Variants in CHD6 observed in about 807,000 individuals in gnomAD.
The protein encoded by CHD6 is chromodomain helicase DNA binding protein 6.
Under a neutral mutation model 276.9 loss-of-function variants are expected in CHD6, and 50 were observed. The observed-to-expected ratio is 0.18, with a 90% CI of 0.14 to 0.23. The LOEUF (loss-of-function observed/expected upper bound fraction) is 0.23. Ranked by LOEUF, CHD6 falls within the 10% of genes least tolerant of loss-of-function variation. CHD6 has a pLI of 1.00. For missense variants in CHD6, 2,564 were observed against 3,365.8 expected (o/e 0.76, Z 5.89); for synonymous variants, 1,173 against 1,229.3 (o/e 0.95, Z 0.96).
intron 1 of CHD6, among the ~76,000 whole-genome samples, chr20:41,600,810 C>A (rs1045899965): frequency 6.6e-6 from 1 of 152,218 alleles, no homozygotes; most frequent in Non-Finnish European, 1.5e-5. Flanking sequence ...TCACCTCACA[C>A]AAACAAGAAA....
At chr20:41,466,749 T>C (rs184866267) in intron 17 of CHD6, among the ~76,000 whole-genome samples, 52 of 152,348 alleles carry the variant, frequency 3.4e-4, no homozygotes, top group Non-Finnish European at 6.5e-4. Flanking sequence ...CAGACACTGC[T>C]AATGGCCTTC....
At chr20:41,610,015 C>T (rs187242917) in intron 1 of CHD6, among the ~76,000 whole-genome samples, 8 of 151,992 alleles carry the variant, frequency 5.3e-5, no homozygotes, top group Non-Finnish European at 1.2e-4. Context: ...TGCCACCATG[C>T]TTGGCTAATT....
chr20:41,447,885 G>A lies in CHD6; in HGVS notation c.3770C>T (p.Ala1257Val). ...TGTTAAGTTTCATTTGCTTTACCTG[G>A]CAGGAGATCCTTCAAATGCTTTCTC... ...AAEKAFEGSPARELDVPLPDI... is the reference protein window; with the variant it reads ...AAEKAFEGSPVRELDVPLPDI... Residue 1257 changes from alanine (A) to valine (V), a missense_variant, in exon 24 of 37, where the codon GCC becomes GTC. Transcript: ENST00000373233. 1 of 1,603,210 alleles carries A rather than the reference G, an allele frequency of 6.2e-7. No homozygotes were observed. The highest frequency in any genetic ancestry group is 8.5e-7 in the Non-Finnish European group (1 of 1,172,368).
intron 15 of CHD6, 24 bp from the exon 16 acceptor site, chr20:41,483,543 A>C: frequency 6.5e-7 from 1 of 1,536,128 alleles, no homozygotes; most frequent in Non-Finnish European, 8.9e-7. Context: ...GAACAAAACT[A>C]TTCCTCGGAC....
intron 2 of CHD6, chr20:41,547,600 T>C: frequency 1.8e-6 from 1 of 560,708 alleles, no homozygotes; most frequent in South Asian, 1.4e-5. Context: ...AGGATTACAG[T>C]GAAACTGACG....
chr20:41,497,685 C>T (rs113371782), intron 7 of CHD6, 184 bp from the exon 8 acceptor site: 43 of 590,168 alleles, frequency 7.3e-5, no homozygotes, highest in African/African-American at 2.1e-4. Flanking sequence ...CAAAACAAAA[C>T]GGAGTAATTC....
chr20:41,489,912 C>T lies in CHD6; in HGVS notation c.1546G>A (p.Ala516Thr), dbSNP rs2043508176. 5 of 1,613,762 alleles carry T rather than the reference C, an allele frequency of 3.1e-6. No individual in the cohort carries two copies. The highest frequency in any genetic ancestry group is 4.2e-6 in the Non-Finnish European group (5 of 1,179,920). ...CAGTTAGTGATGGTGGAGAGAGGGG[C>T]GATAATGAGAAAAGGGCCGTGGATT... Reference protein sequence around the residue: ...RGIHGPFLIIAPLSTITNWER... With the variant: ...RGIHGPFLIITPLSTITNWER... The change falls in exon 12 of 37, where the codon GCC becomes ACC. Residue 516 changes from alanine (A) to threonine (T), a missense_variant. Physicochemically the swap from Ala to Thr is moderately conservative, Grantham distance 58. Transcript: ENST00000373233.
intron 12 of CHD6, among the ~76,000 whole-genome samples, 159 bp from the exon 13 acceptor site, chr20:41,488,763 C>T (rs1255543586): frequency 2.0e-5 from 3 of 152,214 alleles, no homozygotes; most frequent in Non-Finnish European, 4.4e-5. Flanking sequence ...TAAGAATTAA[C>T]GAGCTAGTTA....
intron 17 of CHD6, among the ~76,000 whole-genome samples, chr20:41,458,390 T>G (rs2048441350): frequency 6.6e-6 from 1 of 152,272 alleles, no homozygotes; most frequent in Non-Finnish European, 1.5e-5. Flanking sequence ...CATGTTTTAC[T>G]GCACTGCAGT....
intron 1 of CHD6, among the ~76,000 whole-genome samples, chr20:41,603,430 G>A (rs2146290548): frequency 6.6e-6 from 1 of 152,324 alleles, no homozygotes; most frequent in Non-Finnish European, 1.5e-5. Flanking sequence ...TTATCACTAT[G>A]AGTTATGGTT....
At chr20:41,458,081 T>G (rs2048431495) in intron 17 of CHD6, among the ~76,000 whole-genome samples, 1 of 152,222 alleles carries the variant, frequency 6.6e-6, no homozygotes, top group Non-Finnish European at 1.5e-5. Flanking sequence ...TTCCTGTATT[T>G]TCTCTAAACT....
intron 1 of CHD6, among the ~76,000 whole-genome samples, chr20:41,579,127 C>T (rs139654209): frequency 1.3e-5 from 1 of 78,116 alleles, no homozygotes; most frequent in Non-Finnish European, 2.1e-5. Flanking sequence ...GAGACTCCAT[C>T]TCAAAAAAAA....
At chr20:41,559,923 T>C (rs2045283941) in intron 1 of CHD6, among the ~76,000 whole-genome samples, 1 of 151,982 alleles carries the variant, frequency 6.6e-6, no homozygotes. Context: ...TGCTCCTGTG[T>C]TCCCCATCAG....
chr20:41,482,539 G>T (rs1187985685), intron 16 of CHD6: 1 of 513,678 alleles, frequency 1.9e-6, no homozygotes, highest in African/African-American at 1.9e-5. Flanking sequence ...ATGAAAACAA[G>T]ATTTTCTTTA....
At chr20:41,563,894 A>G in intron 1 of CHD6, 1 of 592,802 alleles carries the variant, frequency 1.7e-6, no homozygotes, top group Non-Finnish European at 3.0e-6. Context: ...CTTATGGGGG[A>G]AGACAAAGGG....
chr20:41,453,040 T>C lies in CHD6; in HGVS notation c.3121-98A>G, dbSNP rs1013351389. 51 of 922,622 alleles carry C rather than the reference T, an allele frequency of 5.5e-5. No homozygotes were observed. The African/African-American group carries it at 6.6e-4, about 12-fold the overall frequency. The allele number at this position is 922,622 out of a possible 1,614,324, so 57.2% of individuals were successfully genotyped here. A position where few individuals can be genotyped will look rare whatever the true frequency, so the allele number is the denominator to read the frequency against. On this transcript the variant is annotated intron_variant, in intron 20 of 36. Coordinates refer to ENST00000373233, the MANE Select transcript of CHD6 (RefSeq NM_032221.5). ...TCAGGACACATTTGGGATAGAACCA[T>C]GCCCCGTCTCATCCTCCAGCACGAA...
At position 41,452,011 on chromosome 20, in the gene CHD6, T is replaced by C. The variant is rs1424765519; in HGVS notation, c.3338A>G (p.Lys1113Arg). The C allele has an allele frequency of 6.2e-7, 1 of 1,613,810 alleles. No homozygotes were observed. Among genetic ancestry groups the C allele is most frequent in the African/African-American group, 1.3e-5 (1 of 74,904 alleles). ...NLLIFGWGRW[K>R]DILTHGRFKW... is the part of the protein sequence containing the mutation. ...GAATCGGCCATGAGTCAGGATGTCC[T>C]TCCACCGGCCCCAGCTGACAGTGGA... The change falls in exon 22 of 37, where the codon AAG (lysine) becomes AGG (arginine). Residue 1113 changes from lysine (K) to arginine (R), a missense_variant. This residue lies in a region of CHD6 where 515 missense variants were observed against 739.5 expected (regional missense o/e 0.70). Transcript: ENST00000373233. The surrounding 1 kb of genome is among the most constrained non-coding windows in gnomAD (Gnocchi z 4.2).
chr20:41,468,426 T>C (rs779603633), intron 17 of CHD6, among the ~76,000 whole-genome samples: 4 of 152,118 alleles, frequency 2.6e-5, no homozygotes, highest in Non-Finnish European at 4.4e-5. Context: ...TCCATCATTC[T>C]TATCCCCTTA....
intron 16 of CHD6, among the ~76,000 whole-genome samples, chr20:41,477,561 T>C (rs2043195063): frequency 6.6e-6 from 1 of 152,176 alleles, no homozygotes; most frequent in Non-Finnish European, 1.5e-5. Flanking sequence ...GAATTTAACA[T>C]ACACATTTAA....
Sources: allele counts gnomAD v4.1 joint callset (sites outside exome capture counted in the v4.1 genomes callset), GRCh38; gene constraint gnomAD v4.1.1; regional missense constraint gnomAD v4.1.1; non-coding constraint Gnocchi (gnomAD v3.1); transcripts MANE v1.5; gene names NCBI Gene and HGNC (gene_info 2026-07-23, HGNC 2026-07-21).